POLK: variants seen among roughly 807,000 people sequenced by gnomAD.
POLK encodes the protein DNA polymerase kappa.
POLK carries 76 observed loss-of-function variants against 94.0 expected under a neutral mutation model. The observed-to-expected ratio is 0.81, with a 90% confidence interval of 0.67 to 0.98. The LOEUF (loss-of-function observed/expected upper bound fraction) is 0.98, where lower values mean the gene tolerates loss of function less well. Among genes scored for constraint, POLK ranks in the 50% least tolerant of loss-of-function variants. POLK has a pLI of 0.00. For missense variants in POLK, 954 were observed against 1,010.1 expected (o/e 0.94, Z 0.75); for synonymous variants, 349 against 325.4 (o/e 1.07, Z -0.78).
the POLK span, among the ~76,000 whole-genome samples, chr5:75,608,286 G>A: frequency 5.1e-4 from 77 of 151,670 alleles, no homozygotes; most frequent in South Asian, 7.1e-3. Context: ...CTTGACCTCC[G>A]TGGCTCAGGC....
intron 1 of POLK, chr5:75,538,585 T>C (rs1219574051): frequency 6.6e-6 from 1 of 152,192 alleles, no homozygotes; most frequent in Non-Finnish European, 1.5e-5. Flanking sequence ...CAATTTTTTT[T>C]GGCAGGGGTG....
At chr5:75,518,986 A>T (rs1768447272) in intron 1 of POLK, among the ~76,000 whole-genome samples, 1 of 152,102 alleles carries the variant, frequency 6.6e-6, no homozygotes, top group Non-Finnish European at 1.5e-5. Flanking sequence ...CTAGGACAAT[A>T]GGCATAACAC....
chr5:75,605,118 TACACACACACACACACAC>T (rs3842052), downstream of POLK, among the ~76,000 whole-genome samples: 11 of 146,740 alleles, frequency 7.5e-5, no homozygotes, highest in South Asian at 2.2e-4. Context: ...TGTATACACA[TACACACACACACACACAC>T]ACACACACAC....
intron 3 of POLK, among the ~76,000 whole-genome samples, chr5:75,553,632 GTTT>G (rs896622360): frequency 6.6e-5 from 10 of 152,194 alleles, no homozygotes; most frequent in Admixed American, 6.5e-4. Flanking sequence ...CTTGGTTTCA[GTTT>G]TTTATTTCAT....
At chr5:75,569,252 CACTT>C in intron 3 of POLK, 84 bp from the exon 4 acceptor site, 4 of 858,526 alleles carry the variant, frequency 4.7e-6, no homozygotes, top group East Asian at 2.7e-5. Context: ...GACTGATAGA[CACTT>C]AATAAATTAA....
At chr5:75,551,079 C>T (rs1020913933) in intron 2 of POLK, among the ~76,000 whole-genome samples, 4 of 150,818 alleles carry the variant, frequency 2.7e-5, no homozygotes, top group Admixed American at 1.3e-4. Context: ...AAAACCCTTA[C>T]GCCGTACACA....
chr5:75,560,720 C>CAT (rs1278474187), intron 3 of POLK, among the ~76,000 whole-genome samples: 1 of 152,100 alleles, frequency 6.6e-6, no homozygotes, highest in African/African-American at 2.4e-5. Context: ...TCCCTGTGCC[C>CAT]ATATGGTCTC....
At chr5:75,591,116 G>A (rs1027485185) in intron 11 of POLK, among the ~76,000 whole-genome samples, 1 of 152,170 alleles carries the variant, frequency 6.6e-6, no homozygotes, top group Non-Finnish European at 1.5e-5. Context: ...TGACTATAGT[G>A]TACAGTAATC....
rs576543189 is a variant in POLK at position 75,545,185 on chromosome 5, A to C, written c.-13-1825A>C. The stretch of plus-strand genomic sequence containing the variant: ...AGTCACAGTATTCAGAGTCCCTTCC[A>C]AAATTCTTTTTATTCTTTGCTGGTG... On this transcript the variant is annotated intron_variant, in intron 1 of 14. Coordinates refer to ENST00000241436, the Ensembl canonical transcript of POLK. 8.1e-4 allele frequency among the ~76,000 whole-genome samples: 124 copies of C among 152,336 alleles called. No individual in the cohort carries two copies. In the Middle Eastern group the frequency reaches 0.01, roughly 13 times the overall value.
intron 3 of POLK, among the ~76,000 whole-genome samples, chr5:75,552,880 C>T (rs1178588140): frequency 1.3e-5 from 2 of 152,080 alleles, no homozygotes; most frequent in African/African-American, 2.4e-5. Context: ...GTTAGCAGAA[C>T]TAGGATTTAA....
At chr5:75,516,230 A>G (rs1048665033) in intron 1 of POLK, among the ~76,000 whole-genome samples, 1 of 152,132 alleles carries the variant, frequency 6.6e-6, no homozygotes, top group Admixed American at 6.5e-5. Flanking sequence ...TTAGCTTGAT[A>G]TAATCTAATT....
chr5:75,602,268 C>A (rs1487597355), downstream of POLK, among the ~76,000 whole-genome samples: 1 of 152,206 alleles, frequency 6.6e-6, no homozygotes, highest in Non-Finnish European at 1.5e-5. Flanking sequence ...TGTAGTGATA[C>A]CTCATGGCCC....
chr5:75,545,175 A>C (rs1224450772), intron 1 of POLK, among the ~76,000 whole-genome samples: 1 of 152,246 alleles, frequency 6.6e-6, no homozygotes, highest in Non-Finnish European at 1.5e-5. Context: ...CAGTATTCAG[A>C]GTCCCTTCCA....
In POLK at chr5:75,594,741, G is replaced by A. The variant is rs532512988; in HGVS notation, c.1528+692G>A. ...AATTTTCAGAACTTTTTGGATTTTG[G>A]AATTACAGATAAAGGATTGTGACAT... On this transcript the variant is annotated intron_variant, in intron 12 of 14. Transcript: ENST00000241436. 3.3e-5 allele frequency among the ~76,000 whole-genome samples: 5 copies of A among 152,210 alleles called. No individual in the cohort carries two copies. In the South Asian group the frequency reaches 1.0e-3, roughly 32 times the overall value.
At chr5:75,517,567 T>C (rs1414726038) in intron 1 of POLK, among the ~76,000 whole-genome samples, 2 of 152,216 alleles carry the variant, frequency 1.3e-5, no homozygotes, top group African/African-American at 4.8e-5. Context: ...TTTGTAAATA[T>C]AAGATTATGT....
chr5:75,573,378 G>A (rs1332596643), intron 4 of POLK, among the ~76,000 whole-genome samples: 1 of 152,162 alleles, frequency 6.6e-6, no homozygotes, highest in Non-Finnish European at 1.5e-5. Flanking sequence ...TGGGGGGAAG[G>A]GGGAGGGATA....
chr5:75,566,391 C>T (rs531556866), intron 3 of POLK, among the ~76,000 whole-genome samples: 82 of 152,230 alleles, frequency 5.4e-4, no homozygotes, highest in African/African-American at 1.3e-3. Context: ...GTCTCTCTGG[C>T]GTTCAGGCAC....
chr5:75,545,334 C>A (rs1346671150), intron 1 of POLK, among the ~76,000 whole-genome samples: 1 of 152,134 alleles, frequency 6.6e-6, no homozygotes, highest in Non-Finnish European at 1.5e-5. Context: ...GACAGCTGTT[C>A]ATCTGGCCAC....
exon 15 of POLK, chr5:75,597,987 C>A: frequency 7.0e-7 from 1 of 1,431,612 alleles, no homozygotes; most frequent in South Asian, 1.3e-5. Context: ...CCAAACAATC[C>A]CAAACATACC....
Sources: gnomAD v4.1 joint callset for allele counts (sites outside exome capture counted in the v4.1 genomes callset) on GRCh38, gnomAD v4.1.1 for gene constraint, MANE v1.5 for transcripts, NCBI Gene and HGNC (gene_info 2026-07-23, HGNC 2026-07-21) for gene names.